GRIP2: variants seen among roughly 807,000 people sequenced by gnomAD.
GRIP2 encodes the protein glutamate receptor-interacting protein 2.
Under a neutral mutation model 108.3 loss-of-function variants are expected in GRIP2, and 58 were observed. The ratio of observed to expected loss-of-function variants is 0.54; its 90% CI spans 0.43 to 0.67. The LOEUF (loss-of-function observed/expected upper bound fraction) is 0.67, where lower values mean the gene tolerates loss of function less well. GRIP2 is among the 30% of genes least tolerant of loss of function. The pLI, the probability that GRIP2 is intolerant of heterozygous loss-of-function variation, is 0.00. For synonymous variants in GRIP2, 586 were observed against 598.2 expected, an observed-to-expected ratio of 0.98 and a Z score of 0.30; for missense variants, 1,278 against 1,430.6, an observed-to-expected ratio of 0.89 and a Z score of 1.72.
At chr3:14,570,778 C>T in the GRIP2 span, among the ~76,000 whole-genome samples, 3 of 152,340 alleles carry the variant, frequency 2.0e-5, no homozygotes, top group East Asian at 1.9e-4. Flanking sequence ...CTGCTTTTAC[C>T]GGAGCTACCC....
chr3:14,600,634 C>G, the GRIP2 span, among the ~76,000 whole-genome samples: 57 of 152,314 alleles, frequency 3.7e-4, no homozygotes, highest in Admixed American at 3.4e-3. Context: ...CACTCCTGGG[C>G]CTGGCTGACC....
chr3:14,522,735 G>A lies in GRIP2; in HGVS notation c.566+265C>T. The A allele has an allele frequency of 2.1e-6, 1 of 472,494 alleles. No individual in the cohort carries two copies. The highest frequency in any genetic ancestry group is 2.5e-5 in the South Asian group (1 of 40,608). 29.3% of individuals were successfully genotyped at this position (472,494 alleles called of 1,614,324 possible). ...GAAAACCAAGGAGCAGGAAAGGGAA[G>A]AACGACACCAAGGCTGCCCCTCTCC... On this transcript the variant is annotated intron_variant, in intron 6 of 23. Transcript: ENST00000621039. This position sits in a 1 kb window ranked among gnomAD's most constrained non-coding sequence, Gnocchi z 4.3.
intron 20 of GRIP2, 174 bp from the exon 21 acceptor site, chr3:14,503,845 T>C (rs1693840037): frequency 8.4e-6 from 5 of 598,012 alleles, no homozygotes; most frequent in South Asian, 8.0e-5. Context: ...GGGGCAGTGG[T>C]TGGTGACACG....
At chr3:14,588,344 C>T in the GRIP2 span, among the ~76,000 whole-genome samples, 1 of 152,168 alleles carries the variant, frequency 6.6e-6, no homozygotes. Context: ...CCCCGGCCTC[C>T]CCTGGGACCC....
the GRIP2 span, among the ~76,000 whole-genome samples, chr3:14,564,338 G>A: frequency 3.3e-5 from 5 of 152,236 alleles, no homozygotes; most frequent in Admixed American, 6.5e-5. Flanking sequence ...TACGGTCCTC[G>A]TGTGCCACGG....
At chr3:14,506,231 C>A (rs552720709) in intron 19 of GRIP2, among the ~76,000 whole-genome samples, 55 of 152,338 alleles carry the variant, frequency 3.6e-4, no homozygotes, top group African/African-American at 1.1e-3. Context: ...CCTCGCCCCC[C>A]CTACCCAGTC....
chr3:14,575,377 G>A, the GRIP2 span, among the ~76,000 whole-genome samples: 5 of 152,172 alleles, frequency 3.3e-5, no homozygotes, highest in Admixed American at 3.3e-4. Context: ...GGTCTAAGAC[G>A]TCTGCTGAGC....
chr3:14,504,737 T>C (rs1693870186), intron 20 of GRIP2, among the ~76,000 whole-genome samples: 1 of 152,206 alleles, frequency 6.6e-6, no homozygotes, highest in Non-Finnish European at 1.5e-5. Flanking sequence ...ACTTGCTCCA[T>C]TCAAGTCAAT....
upstream of GRIP2, among the ~76,000 whole-genome samples, chr3:14,557,510 G>A (rs1695257227): frequency 6.6e-6 from 1 of 152,248 alleles, no homozygotes; most frequent in African/African-American, 2.4e-5. Flanking sequence ...CAGCTAGGCT[G>A]GAGGTTCTGG....
the GRIP2 span, among the ~76,000 whole-genome samples, chr3:14,568,334 G>A: frequency 6.6e-6 from 1 of 152,160 alleles, no homozygotes; most frequent in Non-Finnish European, 1.5e-5. Context: ...TCCGTAAGAG[G>A]CAGCCAGTCG....
chr3:14,527,323 C>T (rs1376955760), intron 1 of GRIP2, among the ~76,000 whole-genome samples: 2 of 146,818 alleles, frequency 1.4e-5, no homozygotes, highest in African/African-American at 5.0e-5. Flanking sequence ...TGTGTTAAAG[C>T]TACAGAAATT....
the GRIP2 span, among the ~76,000 whole-genome samples, chr3:14,587,334 G>A: frequency 6.6e-6 from 1 of 152,180 alleles, no homozygotes; most frequent in Non-Finnish European, 1.5e-5. Flanking sequence ...TGGCCAACAG[G>A]AGGGCCAAGA....
chr3:14,525,789 C>G, intron 2 of GRIP2, 62 bp downstream of exon 2: 1 of 1,494,962 alleles, frequency 6.7e-7, no homozygotes, highest in Non-Finnish European at 9.1e-7. Flanking sequence ...CCATCTGACC[C>G]CCACCTAGGG....
Position 14,507,052 on chromosome 3 carries a change from C to T in GRIP2, c.2219-72G>A. On this transcript the variant is annotated intron_variant, in intron 18 of 23. Coordinates refer to ENST00000621039, the MANE Select transcript of GRIP2 (RefSeq NM_001080423.4). This position sits in a 1 kb window ranked among gnomAD's most constrained non-coding sequence, Gnocchi z 4.6. The stretch of plus-strand genomic sequence containing the variant: ...GTGAGCCTCAGTTTCTGCATTTCAG[C>T]CTGGTCTGGAAACTCACAGGCAGTA... 7.0e-7 allele frequency: 1 copy of T among 1,426,370 alleles called. No homozygotes were observed. Among genetic ancestry groups the T allele is most frequent in the Non-Finnish European group, 9.5e-7 (1 of 1,051,048 alleles). The allele number at this position is 1,426,370 out of a possible 1,614,324, so 88.4% of individuals were successfully genotyped here.
chr3:14,565,772 G>C, the GRIP2 span, among the ~76,000 whole-genome samples: 1 of 152,220 alleles, frequency 6.6e-6, no homozygotes, highest in Non-Finnish European at 1.5e-5. Flanking sequence ...GCAGTCTGCA[G>C]GTCTGTACCT....
chr3:14,539,256 C>T (rs888842651), intron 1 of GRIP2, among the ~76,000 whole-genome samples: 3 of 152,184 alleles, frequency 2.0e-5, no homozygotes, highest in Non-Finnish European at 2.9e-5. Flanking sequence ...AGAAAAGAGC[C>T]TGGCCCAGAG....
chr3:14,507,118 G>C lies in GRIP2; in HGVS notation c.2219-138C>G. 1 of 826,304 alleles carries C rather than the reference G, an allele frequency of 1.2e-6. No homozygotes were observed. The highest frequency in any genetic ancestry group is 1.9e-5 in the South Asian group (1 of 53,304). 51.2% of individuals were successfully genotyped at this position (826,304 alleles called of 1,614,324 possible). A position where few individuals can be genotyped will look rare whatever the true frequency, so the allele number is the denominator to read the frequency against. ...ACATATGACCATGGCACACTAATAA[G>C]CAAACCTGTTTCACAGATGGGAAAA... On this transcript the variant is annotated intron_variant, in intron 18 of 23. Transcript: ENST00000621039. The surrounding 1 kb of genome is among the most constrained non-coding windows in gnomAD (Gnocchi z 4.6).
chr3:14,504,306 CTTGT>C (rs1393036171), intron 20 of GRIP2, among the ~76,000 whole-genome samples: 1 of 145,226 alleles, frequency 6.9e-6, no homozygotes, highest in African/African-American at 2.6e-5. Context: ...AAAGCACTTG[CTTGT>C]TTTTTTTTTT....
the GRIP2 span, among the ~76,000 whole-genome samples, chr3:14,572,568 C>G: frequency 1.7e-5 from 2 of 120,300 alleles, no homozygotes; most frequent in Non-Finnish European, 3.2e-5. Context: ...GCCGAGATCC[C>G]GCCACTGCAC....
Sources: gnomAD v4.1 joint callset for allele counts (sites outside exome capture counted in the v4.1 genomes callset) on GRCh38, gnomAD v4.1.1 for gene constraint, Gnocchi (gnomAD v3.1) non-coding constraint, MANE v1.5 for transcripts, NCBI Gene and HGNC (gene_info 2026-07-23, HGNC 2026-07-21) for gene names.